The following ULK4 variants were observed in gnomAD, a reference collection of about 807,000 sequenced individuals.
ULK4 encodes unc-51 like kinase 4.
A neutral mutation model predicts 160.6 loss-of-function variants in ULK4; 133 were observed. That is an observed-to-expected ratio of 0.83 (90% CI 0.72 to 0.96). The LOEUF is 0.96. ULK4 is among the 40% of genes least tolerant of loss of function. ULK4 has a pLI of 0.00. For missense variants in ULK4, 1,580 were observed against 1,499.5 expected (o/e 1.05, Z -0.89); for synonymous variants, 534 against 539.8 (o/e 0.99, Z 0.15).
At chr3:41,456,530 T>C (rs1056687695) in intron 33 of ULK4, among the ~76,000 whole-genome samples, 15 of 152,218 alleles carry the variant, frequency 9.9e-5, no homozygotes, top group African/African-American at 3.6e-4. Context: ...TAGACTTAAA[T>C]GGCAATGAAA....
At chr3:41,328,452 C>T (rs72864914) in intron 35 of ULK4, among the ~76,000 whole-genome samples, 23,527 of 151,822 alleles carry the variant, frequency 0.15, 2,197 homozygotes, top group African/African-American at 0.25. Flanking sequence ...AGTGTAGAAA[C>T]CAGGATGAGA....
intron 19 of ULK4, among the ~76,000 whole-genome samples, chr3:41,819,005 A>G (rs1041962809): frequency 6.6e-6 from 1 of 152,228 alleles, no homozygotes; most frequent in Non-Finnish European, 1.5e-5. Context: ...GGATACTAGA[A>G]GCTTCCCTGT....
At chr3:41,826,972 G>A (rs952332489) in intron 18 of ULK4, among the ~76,000 whole-genome samples, 3 of 150,180 alleles carry the variant, frequency 2.0e-5, no homozygotes, top group African/African-American at 7.5e-5. Context: ...TCAGACCACA[G>A]TGCAATCAAA....
chr3:41,696,916 G>T (rs2036523198), intron 27 of ULK4, among the ~76,000 whole-genome samples: 1 of 152,052 alleles, frequency 6.6e-6, no homozygotes, highest in Non-Finnish European at 1.5e-5. Flanking sequence ...TGGAATAAGG[G>T]GCCACAAGCC....
chr3:41,917,337 C>T (rs546071829), intron 7 of ULK4, among the ~76,000 whole-genome samples: 2 of 152,092 alleles, frequency 1.3e-5, no homozygotes, highest in African/African-American at 4.8e-5. Context: ...ACCTTGTCTC[C>T]ACCAAAAAAT....
chr3:41,847,905 G>A (rs933611111), intron 17 of ULK4, among the ~76,000 whole-genome samples: 1 of 152,138 alleles, frequency 6.6e-6, no homozygotes, highest in Non-Finnish European at 1.5e-5. Context: ...ATAAGGGAAG[G>A]CCAATAATGC....
chr3:41,473,524 T>C (rs1250939131), intron 32 of ULK4, among the ~76,000 whole-genome samples: 1 of 151,696 alleles, frequency 6.6e-6, no homozygotes, highest in Non-Finnish European at 1.5e-5. Flanking sequence ...TAGCCGGGCA[T>C]GGTGGAACAT....
intron 35 of ULK4, among the ~76,000 whole-genome samples, chr3:41,264,850 A>G (rs1221771052): frequency 1.3e-5 from 2 of 152,176 alleles, no homozygotes; most frequent in African/African-American, 4.8e-5. Context: ...ACTGGAGGAA[A>G]AAGTCAGTCA....
At chr3:41,523,624 GATA>G (rs1402772573) in intron 32 of ULK4, among the ~76,000 whole-genome samples, 28 of 152,228 alleles carry the variant, frequency 1.8e-4, no homozygotes, top group African/African-American at 6.5e-4. Flanking sequence ...TGAAAAGACA[GATA>G]ATAAGTTTAG....
At chr3:41,694,093 A>G (rs541285372) in intron 27 of ULK4, among the ~76,000 whole-genome samples, 98 of 152,340 alleles carry the variant, frequency 6.4e-4, no homozygotes, top group Non-Finnish European at 1.3e-3. Flanking sequence ...AATTTATTAC[A>G]GGATTAGCAA....
At chr3:41,289,676 T>C (rs1174134515) in intron 35 of ULK4, among the ~76,000 whole-genome samples, 1 of 152,154 alleles carries the variant, frequency 6.6e-6, no homozygotes, top group Non-Finnish European at 1.5e-5. Flanking sequence ...CGGGGCCTAT[T>C]CATCCAACAT....
chr3:41,814,660 A>T (rs1204436252), intron 19 of ULK4, among the ~76,000 whole-genome samples: 1 of 152,142 alleles, frequency 6.6e-6, no homozygotes, highest in Non-Finnish European at 1.5e-5. Context: ...ACTGCTAGTT[A>T]TTAGATACAT....
At chr3:41,722,571 C>T (rs897374306) in intron 22 of ULK4, among the ~76,000 whole-genome samples, 16 of 152,002 alleles carry the variant, frequency 1.1e-4, no homozygotes, top group African/African-American at 3.6e-4. Flanking sequence ...GCAGAGGTTG[C>T]AATAAGCCGA....
intron 35 of ULK4, among the ~76,000 whole-genome samples, chr3:41,375,818 G>T (rs141116540): frequency 2.0e-5 from 3 of 150,032 alleles, no homozygotes; most frequent in Admixed American, 6.6e-5. Flanking sequence ...CATAGCCAAA[G>T]AAACTAGCAT....
At chr3:41,583,636 G>C (rs1399651687) in intron 31 of ULK4, among the ~76,000 whole-genome samples, 1 of 152,172 alleles carries the variant, frequency 6.6e-6, no homozygotes, top group Non-Finnish European at 1.5e-5. Flanking sequence ...GTATGGATCT[G>C]TCCTATGCTC....
intron 32 of ULK4, among the ~76,000 whole-genome samples, chr3:41,518,131 G>A (rs2125929190): frequency 6.6e-6 from 1 of 152,262 alleles, no homozygotes; most frequent in East Asian, 1.9e-4. Flanking sequence ...TTAATGGAAG[G>A]GGAGGTAAAT....
At chr3:41,769,139 T>C (rs184163168) in intron 21 of ULK4, among the ~76,000 whole-genome samples, 20 of 152,346 alleles carry the variant, frequency 1.3e-4, no homozygotes, top group Admixed American at 4.6e-4. Flanking sequence ...ACAATAACTC[T>C]GGGTCCTTTA....
At chr3:41,695,266 G>A (rs377575503) in intron 27 of ULK4, among the ~76,000 whole-genome samples, 5 of 152,052 alleles carry the variant, frequency 3.3e-5, no homozygotes, top group African/African-American at 4.8e-5. Context: ...GGATACATTC[G>A]GACCATCACA....
At chr3:41,773,627 G>A (rs1442987145) in intron 21 of ULK4, among the ~76,000 whole-genome samples, 26 of 152,202 alleles carry the variant, frequency 1.7e-4, no homozygotes, top group Admixed American at 1.2e-3. Context: ...AATCAATATC[G>A]TGAAAAGGGC....
Sources: allele counts gnomAD v4.1 joint callset (sites outside exome capture counted in the v4.1 genomes callset), GRCh38; gene constraint gnomAD v4.1.1; transcripts MANE v1.5; gene names NCBI Gene and HGNC (gene_info 2026-07-23, HGNC 2026-07-21).